TIAM1: variants seen among roughly 807,000 people sequenced by gnomAD.
The protein encoded by TIAM1 is TIAM Rac1 associated GEF 1.
TIAM1 carries 65 observed loss-of-function variants against 163.5 expected under a neutral mutation model. The observed-to-expected ratio is 0.40, with a 90% CI of 0.33 to 0.49. The LOEUF (loss-of-function observed/expected upper bound fraction) is 0.49, where lower values mean the gene tolerates loss of function less well. TIAM1 is among the 20% of genes least tolerant of loss of function. The pLI, the probability that TIAM1 is intolerant of heterozygous loss-of-function variation, is 0.77. For synonymous variants in TIAM1, 833 were observed against 810.1 expected (o/e 1.03, Z -0.48); for missense variants, 1,789 against 2,044.7 (o/e 0.87, Z 2.41).
rs536852827 is a variant in TIAM1 at position 31,208,120 on chromosome 21, C to A, written c.2388+1925G>T. Among the ~76,000 whole-genome samples, 4 of 152,292 alleles carry A rather than the reference C, an allele frequency of 2.6e-5. No individual in the cohort carries two copies. In the East Asian group the frequency reaches 7.7e-4, roughly 29 times the overall value. On this transcript the variant is annotated intron_variant, in intron 11 of 27. Coordinates refer to ENST00000541036, the MANE Select transcript of TIAM1 (RefSeq NM_001353694.2). ...TTATCTAGATATGGTCTCTAACTGTCAATGACAATACTATTCTTCATTCCC... is the reference window on the plus strand; with the variant it reads ...TTATCTAGATATGGTCTCTAACTGTAAATGACAATACTATTCTTCATTCCC...
chr21:31,134,123 T>C (rs1274787210), intron 23 of TIAM1, among the ~76,000 whole-genome samples: 1 of 152,040 alleles, frequency 6.6e-6, no homozygotes, highest in East Asian at 1.9e-4. Flanking sequence ...TGCCAACCCA[T>C]TTTCTCCTAC....
intron 2 of TIAM1, chr21:31,452,978 G>T: frequency 2.0e-6 from 1 of 504,922 alleles, no homozygotes. Flanking sequence ...ATGGGGAAAA[G>T]TTATGGAAGA....
chr21:31,475,137 G>A (rs1243589084), intron 1 of TIAM1, among the ~76,000 whole-genome samples: 2 of 151,276 alleles, frequency 1.3e-5, no homozygotes, highest in South Asian at 2.1e-4. Context: ...CTGCAGCATC[G>A]ACCTCCCCAG....
chr21:31,177,424 T>C (rs1218204394), intron 15 of TIAM1, among the ~76,000 whole-genome samples: 1 of 152,178 alleles, frequency 6.6e-6, no homozygotes, highest in Non-Finnish European at 1.5e-5. Context: ...CTGGCCAACA[T>C]GGTGAAACCC....
At chr21:31,185,217 C>T (rs931312826) in intron 14 of TIAM1, among the ~76,000 whole-genome samples, 14 of 151,876 alleles carry the variant, frequency 9.2e-5, no homozygotes, top group Non-Finnish European at 1.8e-4. Context: ...ATTTCCAGCC[C>T]TACCTACCTG....
chr21:31,277,637 C>T (rs2073358149), intron 2 of TIAM1, among the ~76,000 whole-genome samples: 1 of 152,148 alleles, frequency 6.6e-6, no homozygotes, highest in South Asian at 2.1e-4. Context: ...ATGAATAATC[C>T]ACCCCGTTTA....
At chr21:31,516,144 G>A (rs911379762) in intron 1 of TIAM1, among the ~76,000 whole-genome samples, 44 of 150,412 alleles carry the variant, frequency 2.9e-4, no homozygotes, top group Non-Finnish European at 3.7e-4. Context: ...GGGCACAGTG[G>A]CTCACACCTG....
At chr21:31,169,590 A>C (rs1431217676) in intron 15 of TIAM1, among the ~76,000 whole-genome samples, 2 of 152,206 alleles carry the variant, frequency 1.3e-5, no homozygotes, top group Non-Finnish European at 2.9e-5. Flanking sequence ...ACAAAGAATG[A>C]GAAAGTTTAT....
chr21:31,189,421 AG>A, intron 13 of TIAM1, among the ~76,000 whole-genome samples: 1 of 152,246 alleles, frequency 6.6e-6, no homozygotes, highest in Middle Eastern at 3.4e-3. Context: ...TTCCAGTCTG[AG>A]GACTGCAATT....
chr21:31,198,714 C>T (rs1395628168), intron 12 of TIAM1, among the ~76,000 whole-genome samples: 2 of 152,146 alleles, frequency 1.3e-5, no homozygotes, highest in Admixed American at 1.3e-4. Context: ...TAATCATTTC[C>T]ACAGGATCTA....
At chr21:31,283,084 G>A (rs2073641458) in intron 2 of TIAM1, among the ~76,000 whole-genome samples, 1 of 152,190 alleles carries the variant, frequency 6.6e-6, no homozygotes, top group Non-Finnish European at 1.5e-5. Context: ...AGTAAAGTCG[G>A]TACATTTCAA....
At chr21:31,483,527 C>G (rs1202153688) in intron 1 of TIAM1, among the ~76,000 whole-genome samples, 1 of 152,106 alleles carries the variant, frequency 6.6e-6, no homozygotes, top group Non-Finnish European at 1.5e-5. Context: ...GAAGCAGCTG[C>G]TTCTACTGAC....
intron 2 of TIAM1, among the ~76,000 whole-genome samples, chr21:31,373,996 C>A (rs549672034): frequency 1.3e-5 from 2 of 152,144 alleles, no homozygotes; most frequent in East Asian, 1.9e-4. Context: ...TCACCAGAAG[C>A]CCCACCCCCA....
intron 1 of TIAM1, among the ~76,000 whole-genome samples, chr21:31,513,977 A>G (rs1009732183): frequency 2.0e-5 from 3 of 152,200 alleles, no homozygotes; most frequent in Non-Finnish European, 2.9e-5. Context: ...ATCGCACTCC[A>G]GCCTGAGCAA....
chr21:31,378,709 A>G (rs946753106), intron 2 of TIAM1, among the ~76,000 whole-genome samples: 4 of 152,258 alleles, frequency 2.6e-5, no homozygotes, highest in African/African-American at 9.6e-5. Flanking sequence ...GGTCTTCGGT[A>G]TCCGTAGGTT....
At chr21:31,398,903 C>T (rs1444091668) in intron 2 of TIAM1, among the ~76,000 whole-genome samples, 3 of 152,146 alleles carry the variant, frequency 2.0e-5, no homozygotes, top group East Asian at 1.9e-4. Context: ...GGGATGGGCC[C>T]GGTGGCTCAC....
rs546335667 is a variant in TIAM1, at chr21:31,357,410, A to G, written c.-368-17988T>C. ...CTACCACAAACTTCTAAGACTATAT[A>G]TATTCTCTGGTGATCTATCTGCATG... On this transcript the variant is annotated intron_variant, in intron 2 of 28. Coordinates refer to the TIAM1 transcript ENST00000286827. Among the ~76,000 whole-genome samples the G allele has an allele frequency of 1.1e-4, 17 of 152,230 alleles. 1 individual carries two copies. In the East Asian group the frequency reaches 1.9e-3, roughly 17 times the overall value.
intron 2 of TIAM1, among the ~76,000 whole-genome samples, chr21:31,414,815 G>A (rs1425658331): frequency 1.3e-5 from 2 of 152,200 alleles, no homozygotes; most frequent in African/African-American, 2.4e-5. Flanking sequence ...AAAAGGTCAC[G>A]TCCAAACAAA....
chr21:31,336,020 C>T (rs1411429425), intron 2 of TIAM1, among the ~76,000 whole-genome samples: 2 of 152,186 alleles, frequency 1.3e-5, no homozygotes, highest in Admixed American at 6.5e-5. Flanking sequence ...ATGCCAGGCA[C>T]ACAGTAGGTG....
Sources: gnomAD v4.1 joint callset for allele counts (sites outside exome capture counted in the v4.1 genomes callset) on GRCh38, gnomAD v4.1.1 for gene constraint, MANE v1.5 for transcripts, NCBI Gene and HGNC (gene_info 2026-07-23, HGNC 2026-07-21) for gene names.